Variants in EFHB observed in about 807,000 individuals in gnomAD.
EFHB encodes EF-hand domain family member B.
A neutral mutation model predicts 87.2 loss-of-function variants in EFHB; 91 were observed. That is an observed-to-expected ratio of 1.04 (90% confidence interval 0.88 to 1.24). EFHB has a LOEUF of 1.24. Ranked by LOEUF, EFHB falls within the 50% of genes most tolerant of loss-of-function variation. The pLI is 0.00. For missense variants in EFHB, 1,084 were observed against 998.8 expected (o/e 1.09, Z -1.15); for synonymous variants, 325 against 333.6 (o/e 0.97, Z 0.28).
At chr3:19,881,445 G>C (rs1559440935) in intron 12 of EFHB, among the ~76,000 whole-genome samples, 1 of 152,152 alleles carries the variant, frequency 6.6e-6, no homozygotes, top group Non-Finnish European at 1.5e-5. Flanking sequence ...TGACTTCCTA[G>C]TTAAAAGGAT....
At position 19,929,369 on chromosome 3, in the gene EFHB, A is replaced by T. The variant is rs192664629; in HGVS notation, c.789+3861T>A. Reference sequence around the variant, plus strand: ...ACTATTTTATAGAAAATTCTGGAAGAATAAAAAATGAATACCCAACAATAG... The same window carrying T: ...ACTATTTTATAGAAAATTCTGGAAGTATAAAAAATGAATACCCAACAATAG... On this transcript the variant is annotated intron_variant, in intron 1 of 12. Transcript: ENST00000295824. 5.4e-3 allele frequency among the ~76,000 whole-genome samples: 822 copies of T among 152,146 alleles called. 6 individuals are homozygous for T. Among genetic ancestry groups the T allele is most frequent in the African/African-American group, 0.019 (782 of 41,516 alleles).
Position 19,933,746 on chromosome 3 carries a change from G to A in EFHB, c.273C>T (p.Val91=). ...TTCCCTGTGAAGCTGAGACACTGTC[G>A]ACTCCTAAACTACCCCTCTGCATGA... ...RTVMQRGSLG[V]DSVSASQGTK... The change falls in exon 1 of 13, where the codon GTC becomes GTT. Residue 91 remains valine (V), a synonymous_variant. Coordinates refer to ENST00000295824, the MANE Select transcript of EFHB (RefSeq NM_144715.4). The A allele has an allele frequency of 6.2e-7, 1 of 1,613,868 alleles. No homozygotes were observed. Among genetic ancestry groups the A allele is most frequent in the Non-Finnish European group, 8.5e-7 (1 of 1,179,858 alleles).
chr3:19,938,852 A>T (rs1696081877), upstream of EFHB, among the ~76,000 whole-genome samples: 1 of 152,142 alleles, frequency 6.6e-6, no homozygotes, highest in African/African-American at 2.4e-5. Flanking sequence ...ACTACAGCTC[A>T]ACCCAGGGCG....
At chr3:19,911,895 G>T (rs1190148987) in intron 5 of EFHB, among the ~76,000 whole-genome samples, 1 of 152,004 alleles carries the variant, frequency 6.6e-6, no homozygotes, top group Non-Finnish European at 1.5e-5. Context: ...AAGATCACTT[G>T]AGCCCAGGAA....
intron 6 of EFHB, among the ~76,000 whole-genome samples, chr3:19,900,292 A>C (rs979568977): frequency 1.8e-4 from 28 of 152,180 alleles, no homozygotes; most frequent in Non-Finnish European, 3.8e-4. Flanking sequence ...CATCAAATAA[A>C]TAAATAGCCA....
intron 5 of EFHB, among the ~76,000 whole-genome samples, chr3:19,911,351 C>T (rs923292420): frequency 6.6e-6 from 1 of 151,922 alleles, no homozygotes; most frequent in African/African-American, 2.4e-5. Flanking sequence ...CACTTAAGGC[C>T]AGGAGTTCAA....
upstream of EFHB, among the ~76,000 whole-genome samples, chr3:19,937,980 TTTG>T: frequency 6.6e-6 from 1 of 152,200 alleles, no homozygotes; most frequent in African/African-American, 2.4e-5. Context: ...TGTTTTATGC[TTTG>T]ACCCAAAAAG....
At position 19,933,382 on chromosome 3, in the gene EFHB, C is replaced by G; in HGVS notation, c.637G>C (p.Gly213Arg). The G allele has an allele frequency of 6.2e-7, 1 of 1,613,968 alleles. No homozygotes were observed. Residue 213 changes from glycine to arginine, a missense_variant, in exon 1 of 13, where the codon GGC becomes CGC. By Grantham distance (125) the Gly-to-Arg change is moderately radical. Transcript: ENST00000295824. ...DETKNTEPQM[G>R]LVIEPPQCQF... ...CATTGGGGAGGTTCTATCACCAAGCCCATTTGGGGCTCTGTATTCTTAGTC... is the reference window on the plus strand; with the variant it reads ...CATTGGGGAGGTTCTATCACCAAGCGCATTTGGGGCTCTGTATTCTTAGTC...
chr3:19,934,693 T>C (rs1486926261), upstream of EFHB, among the ~76,000 whole-genome samples: 1 of 152,210 alleles, frequency 6.6e-6, no homozygotes. Flanking sequence ...ATTGGCCTCT[T>C]AATGTTGGTG....
At chr3:19,942,663 T>C (rs182879728) in intron 1 of EFHB, among the ~76,000 whole-genome samples, 1 of 152,308 alleles carries the variant, frequency 6.6e-6, no homozygotes, top group Non-Finnish European at 1.5e-5. Context: ...TTCCTGCCAC[T>C]AGACGGTCCC....
intron 1 of EFHB, among the ~76,000 whole-genome samples, chr3:19,921,514 A>G (rs1001060527): frequency 4.6e-5 from 7 of 152,140 alleles, no homozygotes; most frequent in African/African-American, 1.7e-4. Flanking sequence ...ATGAAGAAGG[A>G]AAAATCAAGG....
chr3:19,939,807 C>A (rs762806190), intron 1 of EFHB, among the ~76,000 whole-genome samples: 1 of 152,178 alleles, frequency 6.6e-6, no homozygotes, highest in Admixed American at 6.5e-5. Flanking sequence ...GAAGAGCAAG[C>A]CTTCTAATAG....
At chr3:19,939,118 G>A (rs562544202), upstream of EFHB, among the ~76,000 whole-genome samples, 5 of 152,086 alleles carry the variant, frequency 3.3e-5, no homozygotes, top group African/African-American at 1.2e-4. Flanking sequence ...TGTTGGTCAG[G>A]CTGGTCTCAA....
At position 19,890,442 on chromosome 3, in the gene EFHB, G is replaced by A. The variant is rs1395025945; in HGVS notation, c.1726-1791C>T. ...CATCATCATAGTCAGTCCTGGGAGA[G>A]GATGGTAGGGAAGGATGTCCGAATT... On this transcript the variant is annotated intron_variant, in intron 9 of 12. Coordinates refer to ENST00000295824, the MANE Select transcript of EFHB (RefSeq NM_144715.4). 4.6e-5 allele frequency among the ~76,000 whole-genome samples: 7 copies of A among 152,316 alleles called. No homozygotes were observed. The South Asian group carries it at 1.4e-3, about 32-fold the overall frequency.
intron 1 of EFHB, among the ~76,000 whole-genome samples, chr3:19,928,946 G>A (rs1342096746): frequency 2.0e-5 from 3 of 151,576 alleles, no homozygotes; most frequent in Non-Finnish European, 4.4e-5. Flanking sequence ...ACTAATAAGA[G>A]TTCAGCAAGG....
intron 1 of EFHB, chr3:19,941,341 T>C (rs1325022601): frequency 5.3e-6 from 1 of 187,930 alleles, no homozygotes; most frequent in African/African-American, 2.4e-5. Context: ...AATACTAGCC[T>C]GGCTGCTCAA....
At position 19,882,250 on chromosome 3, in the gene EFHB, G is replaced by A. The variant is rs11919596; in HGVS notation, c.2328+300C>T. On this transcript the variant is annotated intron_variant, in intron 12 of 12. Coordinates refer to ENST00000295824, the MANE Select transcript of EFHB (RefSeq NM_144715.4). ...CCATCAGGATGCTTACATAAGGAAG[G>A]GGTTGATCCTGTTCCTTTTCTCAAC... Among the ~76,000 whole-genome samples, 439 of 152,066 alleles carry A rather than the reference G, an allele frequency of 2.9e-3. 2 individuals carry two copies. The highest frequency in any genetic ancestry group is 9.5e-3 in the African/African-American group (393 of 41,518).
intron 5 of EFHB, 103 bp from the exon 6 acceptor site, chr3:19,905,852 C>CA: frequency 7.2e-7 from 1 of 1,392,514 alleles, no homozygotes; most frequent in South Asian, 1.6e-5. Context: ...GAGAATGGAA[C>CA]AAAAAATGAA....
At chr3:19,945,111 A>T (rs145921044) in intron 1 of EFHB, among the ~76,000 whole-genome samples, 10 of 152,356 alleles carry the variant, frequency 6.6e-5, no homozygotes, top group Non-Finnish European at 1.0e-4. Flanking sequence ...CGGAGCCAGC[A>T]GTTATGGGCA....
Sources: gnomAD v4.1 joint callset for allele counts (sites outside exome capture counted in the v4.1 genomes callset) on GRCh38, gnomAD v4.1.1 for gene constraint, MANE v1.5 for transcripts, NCBI Gene and HGNC (gene_info 2026-07-23, HGNC 2026-07-21) for gene names.